The following PPP1R9B variants were observed in gnomAD, a reference collection of about 807,000 sequenced individuals.
PPP1R9B encodes protein phosphatase 1 regulatory subunit 9B, also known as neurabin-2.
A neutral mutation model predicts 75.8 loss-of-function variants in PPP1R9B; 17 were observed. The ratio of observed to expected loss-of-function variants is 0.22; its 90% confidence interval spans 0.15 to 0.34. PPP1R9B has a LOEUF of 0.34. PPP1R9B is among the 10% of genes least tolerant of loss of function. PPP1R9B has a pLI of 1.00. For synonymous variants in PPP1R9B, 509 were observed against 535.4 expected (o/e 0.95, Z 0.68); for missense variants, 875 against 1,196.0 (o/e 0.73, Z 3.96).
In PPP1R9B at chr17:50,139,769, C is replaced by T. The variant is rs1912320862; in HGVS notation, c.1867-188G>A. Among the ~76,000 whole-genome samples the T allele has an allele frequency of 6.6e-6, 1 of 152,178 alleles. No individual in the cohort carries two copies. Among genetic ancestry groups the T allele is most frequent in the South Asian group, 2.1e-4 (1 of 4,824 alleles). ...TCTTCCCCCAACAGCCTGGTAGTCC[C>T]CTGATGACAGAGGGGGTCAGTTCCT... On this transcript the variant is annotated intron_variant, in intron 5 of 9. Coordinates refer to ENST00000612501, the MANE Select transcript of PPP1R9B (RefSeq NM_032595.5). This position sits in a 1 kb window ranked among gnomAD's most constrained non-coding sequence, Gnocchi z 5.0.
chr17:50,149,533 C>T lies in PPP1R9B; in HGVS notation c.981G>A (p.Ala327=), dbSNP rs1426244800. 1 of 1,591,500 alleles carries T rather than the reference C, an allele frequency of 6.3e-7. No individual in the cohort carries two copies. The highest frequency in any genetic ancestry group is 1.7e-5 in the Admixed American group (1 of 57,946). Residue 327 remains alanine (A), a synonymous_variant, in exon 1 of 10, where the codon GCG becomes GCA. Coordinates refer to ENST00000612501, the MANE Select transcript of PPP1R9B (RefSeq NM_032595.5). The surrounding 1 kb of genome is among the most constrained non-coding windows in gnomAD (Gnocchi z 7.2). ...CCACGGTGCTGCCATTCTCCAGGGC[C>T]GCGTGGACCGTAACCTCGGCCTGGA... The part of the protein sequence containing the change: ...EVIQAEVTVH[A]ALENGSTVAT...
intron 1 of PPP1R9B, among the ~76,000 whole-genome samples, chr17:50,147,846 G>A (rs960571357): frequency 4.6e-5 from 7 of 152,172 alleles, no homozygotes; most frequent in Admixed American, 2.0e-4. Context: ...TGGGGTGGGA[G>A]GTGGGAGAGG....
rs1449729448 is a variant in PPP1R9B at position 50,149,695 on chromosome 17, G to A, written c.819C>T (p.Pro273=). The A allele has an allele frequency of 2.8e-6, 4 of 1,428,948 alleles. No homozygotes were observed. The Admixed American group carries it at 8.7e-5, about 31-fold the overall frequency. The allele number at this position is 1,428,948 out of a possible 1,614,324, so 88.5% of individuals were successfully genotyped here. The change falls in exon 1 of 10, where the codon CCC becomes CCT. Residue 273 remains proline, a synonymous_variant. Coordinates refer to ENST00000612501, the MANE Select transcript of PPP1R9B (RefSeq NM_032595.5). This position sits in a 1 kb window ranked among gnomAD's most constrained non-coding sequence, Gnocchi z 7.2. ...GGTGCTGCGGGGGCTGCTGCCCTGC[G>A]GGGCATCGCTCTTTCTCGGCCGGGG... ...GDAPAEKERC[P]AGQQPPQHRV... is the part of the protein sequence containing the mutation.
In PPP1R9B at chr17:50,135,062, C is replaced by T; in HGVS notation, c.*269G>A. The T allele has an allele frequency of 3.8e-6, 2 of 532,486 alleles. No individual in the cohort carries two copies. The highest frequency in any genetic ancestry group is 3.4e-6 in the Non-Finnish European group (1 of 294,678). The allele number at this position is 532,486 out of a possible 1,614,324, so 33.0% of individuals were successfully genotyped here. A position where few individuals can be genotyped will look rare whatever the true frequency, so the allele number is the denominator to read the frequency against. The stretch of plus-strand genomic sequence containing the variant: ...TTGTGTCCGTCGACCACCAGGCCAG[C>T]CCTCGGCAGCCCTCGGCCTCTGTGC... On this transcript the variant is annotated 3_prime_UTR_variant, in exon 10 of 10. Coordinates refer to ENST00000612501, the MANE Select transcript of PPP1R9B (RefSeq NM_032595.5).
At position 50,150,403 on chromosome 17, in the gene PPP1R9B, C is replaced by T. The variant is rs999232620; in HGVS notation, c.111G>A (p.Gly37=). 4.3e-6 allele frequency: 6 copies of T among 1,403,002 alleles called. No homozygotes were observed. The highest frequency in any genetic ancestry group is 5.6e-6 in the Non-Finnish European group (6 of 1,076,526). 86.9% of individuals were successfully genotyped at this position (1,403,002 alleles called of 1,614,324 possible). The part of the protein sequence containing the change: ...IQALKPPDAP[G]PDEAPKGAHH... ...GGGCCCCCTTGGGTGCCTCGTCGGG[C>T]CCGGGCGCGTCGGGCGGCTTCAGCG... The change falls in exon 1 of 10, where the codon GGG becomes GGA. Residue 37 remains glycine (G), a synonymous_variant. Coordinates refer to ENST00000612501, the MANE Select transcript of PPP1R9B (RefSeq NM_032595.5). The surrounding 1 kb of genome is among the most constrained non-coding windows in gnomAD (Gnocchi z 8.7).
At position 50,142,369 on chromosome 17, in the gene PPP1R9B, C is replaced by A. The variant is rs191656999; in HGVS notation, c.1626-996G>T. 3.2e-4 allele frequency among the ~76,000 whole-genome samples: 48 copies of A among 152,300 alleles called. 1 individual carries two copies. In the East Asian group the frequency reaches 7.9e-3, roughly 25 times the overall value. The stretch of plus-strand genomic sequence containing the variant: ...CCAGGTGGGCATGAGTGAGTGGCCA[C>A]GGCCACCATGCACACTCACTCCTTA... On this transcript the variant is annotated intron_variant, in intron 3 of 9. Transcript: ENST00000612501. This position sits in a 1 kb window ranked among gnomAD's most constrained non-coding sequence, Gnocchi z 4.1.
In PPP1R9B at chr17:50,150,674, G is replaced by T; in HGVS notation, c.-161C>A. ...CAAGCTGCCAAAAACAGTTAATCCC[G>T]CTTTAAAAAAAAAAATGAAAAAAAA... On this transcript the variant is annotated 5_prime_UTR_variant, in exon 1 of 10. Transcript: ENST00000612501. This position sits in a 1 kb window ranked among gnomAD's most constrained non-coding sequence, Gnocchi z 8.7. 1 of 615,116 alleles carries T rather than the reference G, an allele frequency of 1.6e-6. No homozygotes were observed. Among genetic ancestry groups the T allele is most frequent in the Non-Finnish European group, 2.3e-6 (1 of 438,036 alleles). The allele number at this position is 615,116 out of a possible 1,614,324, so 38.1% of individuals were successfully genotyped here.
At chr17:50,144,388 C>T (rs1248754897) in intron 2 of PPP1R9B, among the ~76,000 whole-genome samples, 1 of 152,200 alleles carries the variant, frequency 6.6e-6, no homozygotes, top group Non-Finnish European at 1.5e-5. Context: ...GCTCTGCCAT[C>T]TTCCTGTCCA....
intron 3 of PPP1R9B, among the ~76,000 whole-genome samples, chr17:50,143,076 G>A (rs1203137062): frequency 6.6e-6 from 1 of 152,150 alleles, no homozygotes; most frequent in Non-Finnish European, 1.5e-5. Context: ...AAACCCTCCT[G>A]TTGTATGCCT....
Position 50,150,649 on chromosome 17 carries a change from C to A in PPP1R9B, c.-136G>T. 2 of 858,704 alleles carry A rather than the reference C, an allele frequency of 2.3e-6. No individual in the cohort carries two copies. The highest frequency in any genetic ancestry group is 3.1e-6 in the Non-Finnish European group (2 of 648,308). 53.2% of individuals were successfully genotyped at this position (858,704 alleles called of 1,614,324 possible). On this transcript the variant is annotated 5_prime_UTR_variant, in exon 1 of 10. Coordinates refer to ENST00000612501, the MANE Select transcript of PPP1R9B (RefSeq NM_032595.5). The surrounding 1 kb of genome is among the most constrained non-coding windows in gnomAD (Gnocchi z 8.7). Reference sequence around the variant, plus strand: ...GCCTTTTTTAGGGTCCCCCCAAAACCAAGCTGCCAAAAACAGTTAATCCCG... The same window carrying A: ...GCCTTTTTTAGGGTCCCCCCAAAACAAAGCTGCCAAAAACAGTTAATCCCG...
chr17:50,136,827 G>GTCCCAGCCCACCCTTGCTCCCAAC (rs1912245120), intron 7 of PPP1R9B, among the ~76,000 whole-genome samples: 1 of 152,118 alleles, frequency 6.6e-6, no homozygotes, highest in Non-Finnish European at 1.5e-5. Context: ...CAAATCTCAA[G>GTCCCAGCCCACCCTTGCTCCCAAC]TCCCAGCCCA....
At position 50,149,364 on chromosome 17, in the gene PPP1R9B, T is replaced by C; in HGVS notation, c.1150A>G (p.Lys384Glu). ...VAPEEVDESK[K>E]EDFSEADLVD... ...AAGTCCGCCTCCGAGAAGTCCTCCTTCTTGGATTCATCTACCTCCTCAGGG... is the reference window on the plus strand; with the variant it reads ...AAGTCCGCCTCCGAGAAGTCCTCCTCCTTGGATTCATCTACCTCCTCAGGG... The change falls in exon 1 of 10, where the codon AAG (lysine) becomes GAG (glutamate). Residue 384 changes from lysine to glutamate, a missense_variant. Lys to Glu is a moderately conservative substitution (Grantham distance 56, BLOSUM62 1). Coordinates refer to ENST00000612501, the MANE Select transcript of PPP1R9B (RefSeq NM_032595.5). This position sits in a 1 kb window ranked among gnomAD's most constrained non-coding sequence, Gnocchi z 7.2. 6.2e-7 allele frequency: 1 copy of C among 1,612,858 alleles called. No homozygotes were observed. Among genetic ancestry groups the C allele is most frequent in the Non-Finnish European group, 8.5e-7 (1 of 1,179,640 alleles).
rs907807533 is a variant in PPP1R9B, at chr17:50,149,030, G to C, written c.1371+113C>G. On this transcript the variant is annotated intron_variant, in intron 1 of 9. Coordinates refer to ENST00000612501, the MANE Select transcript of PPP1R9B (RefSeq NM_032595.5). The surrounding 1 kb of genome is among the most constrained non-coding windows in gnomAD (Gnocchi z 7.2). ...GGTGGGAACTTCTGGGAAGGGGGCT[G>C]GGTGGCAGGGGCTGACTCAGCCTGC... 1.4e-6 allele frequency: 1 copy of C among 720,664 alleles called. No homozygotes were observed. Among genetic ancestry groups the C allele is most frequent in the Non-Finnish European group, 2.1e-6 (1 of 475,028 alleles). The allele number at this position is 720,664 out of a possible 1,614,324, so 44.6% of individuals were successfully genotyped here. A position where few individuals can be genotyped will look rare whatever the true frequency, so the allele number is the denominator to read the frequency against.
At chr17:50,141,222 C>G in intron 4 of PPP1R9B, 47 bp downstream of exon 4, 3 of 1,298,620 alleles carry the variant, frequency 2.3e-6, no homozygotes, top group Non-Finnish European at 3.2e-6. Flanking sequence ...AGTGCCTGGA[C>G]GAGGACCTCC....
chr17:50,145,302 C>T, intron 1 of PPP1R9B, 57 bp from the exon 2 acceptor site: 1 of 1,604,988 alleles, frequency 6.2e-7, no homozygotes, highest in Non-Finnish European at 8.5e-7. Context: ...GCAGAACTGG[C>T]ATGAGGAGGC....
intron 7 of PPP1R9B, among the ~76,000 whole-genome samples, chr17:50,136,913 C>G (rs905322702): frequency 2.6e-5 from 4 of 152,220 alleles, no homozygotes; most frequent in African/African-American, 9.7e-5. Flanking sequence ...CCCGCAGCTG[C>G]ACAAACCTAT....
At position 50,149,465 on chromosome 17, in the gene PPP1R9B, G is replaced by C; in HGVS notation, c.1049C>G (p.Ala350Gly). ...SPAPEEPKAQ[A>G]APEKEAAAVA... ...CGCCGCCGCCTCCTTCTCCGGGGCCGCTTGGGCCTTTGGCTCCTCGGGCGC... is the reference window on the plus strand; with the variant it reads ...CGCCGCCGCCTCCTTCTCCGGGGCCCCTTGGGCCTTTGGCTCCTCGGGCGC... The change falls in exon 1 of 10, where the codon GCG (alanine) becomes GGG (glycine). Residue 350 changes from alanine to glycine, a missense_variant. By Grantham distance (60) the Ala-to-Gly change is moderately conservative. Transcript: ENST00000612501. The surrounding 1 kb of genome is among the most constrained non-coding windows in gnomAD (Gnocchi z 7.2). 2 of 1,604,916 alleles carry C rather than the reference G, an allele frequency of 1.2e-6. No homozygotes were observed. Among genetic ancestry groups the C allele is most frequent in the Middle Eastern group, 3.4e-4 (2 of 5,930 alleles).
In PPP1R9B at chr17:50,150,497, G is replaced by T; in HGVS notation, c.17C>A (p.Pro6Gln). 3.0e-6 allele frequency: 4 copies of T among 1,352,340 alleles called. No individual in the cohort carries two copies. The highest frequency in any genetic ancestry group is 3.8e-6 in the Non-Finnish European group (4 of 1,049,126). 83.8% of individuals were successfully genotyped at this position (1,352,340 alleles called of 1,614,324 possible). A position where few individuals can be genotyped will look rare whatever the true frequency, so the allele number is the denominator to read the frequency against. The change falls in exon 1 of 10, where the codon CCA becomes CAA. Residue 6 changes from proline (P) to glutamine (Q), a missense_variant. This residue lies in a region of PPP1R9B where 145 missense variants were observed against 226.1 expected (regional missense o/e 0.64). Transcript: ENST00000612501. This position sits in a 1 kb window ranked among gnomAD's most constrained non-coding sequence, Gnocchi z 8.7. ...CCGGAGGGGACCCCCGGGCCCCCGT[G>T]GCTCCGTCTTCATCATGGTGGGGGG... is the stretch of plus-strand genomic sequence containing the variant. Reference protein sequence around the residue: MMKTEPRGPGGPLRSA... With the variant: MMKTEQRGPGGPLRSA...
At chr17:50,141,529 G>A (rs761662599) in intron 3 of PPP1R9B, among the ~76,000 whole-genome samples, 156 bp from the exon 4 acceptor site, 1 of 151,970 alleles carries the variant, frequency 6.6e-6, no homozygotes, top group African/African-American at 2.4e-5. Context: ...TGGGCATGGT[G>A]GCACGTGCCT....
Sources: gnomAD v4.1 joint callset for allele counts (sites outside exome capture counted in the v4.1 genomes callset) on GRCh38, gnomAD v4.1.1 for gene constraint, gnomAD v4.1.1 regional missense constraint, Gnocchi (gnomAD v3.1) non-coding constraint, MANE v1.5 for transcripts, NCBI Gene and HGNC (gene_info 2026-07-23, HGNC 2026-07-21) for gene names.